IL1RAPL1: variants seen among roughly 807,000 people sequenced by gnomAD.
IL1RAPL1 encodes interleukin-1 receptor accessory protein-like 1.
In IL1RAPL1, 3 loss-of-function variants were observed where a neutral mutation model predicts 48.4. That is an observed-to-expected ratio of 0.06 (90% CI 0.03 to 0.16). IL1RAPL1 has a LOEUF of 0.16. Among genes scored for constraint, IL1RAPL1 ranks in the 10% least tolerant of loss-of-function variants. IL1RAPL1 has a pLI of 1.00. For missense variants in IL1RAPL1, 349 were observed against 530.6 expected (o/e 0.66, Z 3.36); for synonymous variants, 185 against 187.7 (o/e 0.99, Z 0.12).
intron 3 of IL1RAPL1, among the ~76,000 whole-genome samples, chrX:29,347,003 T>A (rs149629818): frequency 1.1e-3 from 118 of 111,866 alleles, no homozygotes; most frequent in African/African-American, 3.7e-3. Flanking sequence ...TAAATAACAG[T>A]CCTTGTGCTC....
intron 7 of IL1RAPL1, among the ~76,000 whole-genome samples, chrX:29,918,272 C>T (rs1157897302): frequency 2.2e-5 from 2 of 90,765 alleles, no homozygotes; most frequent in African/African-American, 8.3e-5. Flanking sequence ...TTTGGGAGGC[C>T]GAGGTGGGCG....
intron 1 of IL1RAPL1, among the ~76,000 whole-genome samples, chrX:28,768,723 C>CTG (rs1936272823): frequency 1.4e-5 from 1 of 71,476 alleles, no homozygotes; most frequent in East Asian, 4.9e-4. Flanking sequence ...CTCTCTCTCT[C>CTG]TCTCTGTCTC....
intron 5 of IL1RAPL1, among the ~76,000 whole-genome samples, chrX:29,488,929 C>A (rs1361421162): frequency 3.4e-4 from 38 of 111,295 alleles, no homozygotes; most frequent in African/African-American, 6.5e-5. Context: ...ATTATAATGG[C>A]AAAAACTGCA....
At chrX:28,960,996 C>A (rs1485556801) in intron 2 of IL1RAPL1, among the ~76,000 whole-genome samples, 1 of 71,753 alleles carries the variant, frequency 1.4e-5, no homozygotes, top group Non-Finnish European at 2.3e-5. Flanking sequence ...GGCGACAGAG[C>A]GAGACTCCGT....
chrX:28,725,488 C>T (rs958669334), intron 1 of IL1RAPL1, among the ~76,000 whole-genome samples: 4 of 111,618 alleles, frequency 3.6e-5, no homozygotes, highest in Admixed American at 9.5e-5. Flanking sequence ...ACTCAGAATA[C>T]GCATAGGTCA....
chrX:29,030,685 A>G (rs1015270796), intron 2 of IL1RAPL1, among the ~76,000 whole-genome samples: 8 of 111,719 alleles, frequency 7.2e-5, no homozygotes, highest in African/African-American at 1.6e-4. Context: ...TAGTTTGGCA[A>G]TAAAGGGCTT....
At chrX:29,040,157 T>G (rs1169768680) in intron 2 of IL1RAPL1, among the ~76,000 whole-genome samples, 1 of 112,236 alleles carries the variant, frequency 8.9e-6, no homozygotes, top group Non-Finnish European at 1.9e-5. Flanking sequence ...AAAAGTGAGT[T>G]TCTAAGTGAT....
chrX:29,914,045 A>T (rs1049875835), intron 6 of IL1RAPL1, among the ~76,000 whole-genome samples: 4 of 111,148 alleles, frequency 3.6e-5, no homozygotes, highest in Non-Finnish European at 7.5e-5. Context: ...CTTGAATTTC[A>T]CTGTCTTACC....
chrX:28,898,776 A>T (rs937945243), intron 2 of IL1RAPL1, among the ~76,000 whole-genome samples: 1 of 110,564 alleles, frequency 9.0e-6, no homozygotes, highest in Admixed American at 9.6e-5. Flanking sequence ...TTCCTAGGTG[A>T]TGCTGCTGAT....
chrX:28,888,167 G>T (rs1425378084), intron 2 of IL1RAPL1, among the ~76,000 whole-genome samples: 10 of 109,470 alleles, frequency 9.1e-5, no homozygotes, highest in African/African-American at 3.3e-4. Flanking sequence ...TGCTAGTAAG[G>T]TTCTGGATTC....
At chrX:28,625,058 A>G (rs1471713008) in intron 1 of IL1RAPL1, among the ~76,000 whole-genome samples, 6 of 111,971 alleles carry the variant, frequency 5.4e-5, no homozygotes, top group Non-Finnish European at 1.1e-4. Context: ...GAGTCTCTAC[A>G]AGGTAACCTG....
intron 2 of IL1RAPL1, among the ~76,000 whole-genome samples, chrX:29,089,407 C>CT (rs1928029659): frequency 9.1e-6 from 1 of 109,652 alleles, no homozygotes; most frequent in Admixed American, 9.8e-5. Context: ...AAGATCTACT[C>CT]TTTTTTTGTA....
chrX:28,707,617 G>T (rs1034503394), intron 1 of IL1RAPL1, among the ~76,000 whole-genome samples: 1 of 111,896 alleles, frequency 8.9e-6, no homozygotes, highest in Non-Finnish European at 1.9e-5. Flanking sequence ...GAGGGCAAAT[G>T]CCTGAAAATC....
intron 2 of IL1RAPL1, among the ~76,000 whole-genome samples, chrX:29,166,020 TATC>T (rs776062120): frequency 8.9e-6 from 1 of 112,966 alleles, no homozygotes; most frequent in East Asian, 2.8e-4. Flanking sequence ...CTCAAAATAT[TATC>T]ATTACACATT....
intron 3 of IL1RAPL1, among the ~76,000 whole-genome samples, chrX:29,289,332 A>T (rs1296920820): frequency 8.9e-6 from 1 of 112,267 alleles, no homozygotes; most frequent in Non-Finnish European, 1.9e-5. Context: ...TTTGTTGAAA[A>T]GGCTATGCTT....
intron 3 of IL1RAPL1, among the ~76,000 whole-genome samples, chrX:29,341,827 G>C (rs1400738341): frequency 9.0e-6 from 1 of 111,023 alleles, no homozygotes; most frequent in Non-Finnish European, 1.9e-5. Flanking sequence ...TAATTTTTGA[G>C]ACAGAGTCTC....
intron 6 of IL1RAPL1, among the ~76,000 whole-genome samples, chrX:29,825,903 T>A (rs1930727375): frequency 9.0e-6 from 1 of 111,244 alleles, no homozygotes; most frequent in Non-Finnish European, 1.9e-5. Flanking sequence ...CTGCTGAATG[T>A]AGTTCGCCGA....
chrX:29,658,183 T>C (rs1925741831), intron 5 of IL1RAPL1, among the ~76,000 whole-genome samples: 2 of 111,525 alleles, frequency 1.8e-5, no homozygotes, highest in South Asian at 7.6e-4. Flanking sequence ...CCCTCCATGT[T>C]TTTCTCCACT....
intron 6 of IL1RAPL1, among the ~76,000 whole-genome samples, chrX:29,866,549 C>T (rs5971877): frequency 0.072 from 7,814 of 108,909 alleles, 714 homozygotes; most frequent in African/African-American, 0.25. Flanking sequence ...AAAGCATACA[C>T]AAATAGATTG....
Sources: gnomAD v4.1 joint callset for allele counts (sites outside exome capture counted in the v4.1 genomes callset) on GRCh38, gnomAD v4.1.1 for gene constraint, MANE v1.5 for transcripts, NCBI Gene and HGNC (gene_info 2026-07-23, HGNC 2026-07-21) for gene names.